Variants in MAGI1 observed in about 807,000 individuals in gnomAD.
MAGI1 encodes the protein membrane associated guanylate kinase, WW and PDZ domain containing 1, also known as membrane-associated guanylate kinase, WW and PDZ domain-containing protein 1.
MAGI1 carries 58 observed loss-of-function variants against 139.9 expected under a neutral mutation model. The observed-to-expected ratio is 0.41, with a 90% CI of 0.34 to 0.52. The LOEUF (loss-of-function observed/expected upper bound fraction) is 0.52. Among genes scored for constraint, MAGI1 ranks in the 20% least tolerant of loss-of-function variants. The pLI is 0.12. For missense variants in MAGI1, 1,874 were observed against 1,901.6 expected (o/e 0.99, Z 0.27); for synonymous variants, 812 against 737.9 (o/e 1.10, Z -1.63).
intron 2 of MAGI1, among the ~76,000 whole-genome samples, chr3:65,586,900 T>C (rs1268748209): frequency 6.6e-6 from 1 of 152,174 alleles, no homozygotes; most frequent in African/African-American, 2.4e-5. Context: ...AGGTTTCTCC[T>C]TAGCCTGTAA....
At chr3:65,666,699 T>C (rs1360838747) in intron 1 of MAGI1, among the ~76,000 whole-genome samples, 1 of 152,182 alleles carries the variant, frequency 6.6e-6, no homozygotes, top group African/African-American at 2.4e-5. Flanking sequence ...TTTATTATCC[T>C]GCTGGTGGAG....
rs11720673 is a variant in MAGI1, at chr3:65,374,138, A to C, written c.3196+1607T>G. ...CTAGATTTTTTCTTGAGAAATACTCACTTTTAGAATATATATTTTATAACA... is the reference window on the plus strand; with the variant it reads ...CTAGATTTTTTCTTGAGAAATACTCCCTTTTAGAATATATATTTTATAACA... On this transcript the variant is annotated intron_variant, in intron 18 of 22. Transcript: ENST00000402939. 1.4e-4 allele frequency among the ~76,000 whole-genome samples: 22 copies of C among 152,170 alleles called. No individual in the cohort carries two copies. The East Asian group carries it at 4.3e-3, about 29-fold the overall frequency.
intron 1 of MAGI1, among the ~76,000 whole-genome samples, chr3:66,019,686 T>C (rs2107544558): frequency 6.6e-6 from 1 of 152,284 alleles, no homozygotes; most frequent in East Asian, 1.9e-4. Flanking sequence ...GATCAATAAA[T>C]GGGAGCTGTA....
chr3:65,862,626 G>A (rs185811971), intron 1 of MAGI1, among the ~76,000 whole-genome samples: 1 of 152,136 alleles, frequency 6.6e-6, no homozygotes, highest in Admixed American at 6.5e-5. Context: ...CAAGTGACAT[G>A]AGACCATTTC....
At chr3:65,430,251 G>A (rs1947353739) in intron 11 of MAGI1, 111 bp from the exon 12 acceptor site, 1 of 1,081,282 alleles carries the variant, frequency 9.2e-7, no homozygotes, top group Non-Finnish European at 1.4e-6. Flanking sequence ...ATGTGGGTGT[G>A]ATACTATAGG....
chr3:65,673,437 A>G (rs2107474769), intron 1 of MAGI1, among the ~76,000 whole-genome samples: 1 of 152,342 alleles, frequency 6.6e-6, no homozygotes, highest in South Asian at 2.1e-4. Flanking sequence ...AACTTGTATG[A>G]CCAAATATTC....
intron 1 of MAGI1, among the ~76,000 whole-genome samples, chr3:66,026,953 T>C (rs560954777): frequency 3.9e-5 from 6 of 152,070 alleles, no homozygotes; most frequent in East Asian, 1.9e-4. Flanking sequence ...TTTTTTCTTT[T>C]TTTTTTCTTC....
chr3:65,792,399 A>G (rs534013385), intron 1 of MAGI1, among the ~76,000 whole-genome samples: 14 of 152,224 alleles, frequency 9.2e-5, no homozygotes, highest in Middle Eastern at 3.4e-3. Flanking sequence ...AAGGAGGAGG[A>G]GGTTGCAGTG....
chr3:65,452,874 C>G (rs1575801353), intron 6 of MAGI1: 1 of 173,358 alleles, frequency 5.8e-6, no homozygotes, highest in East Asian at 1.4e-4. Flanking sequence ...AACTTTTCCC[C>G]CTAAGACTTT....
At chr3:65,802,433 C>G (rs530904248) in intron 1 of MAGI1, among the ~76,000 whole-genome samples, 3 of 151,912 alleles carry the variant, frequency 2.0e-5, no homozygotes, top group African/African-American at 7.3e-5. Flanking sequence ...ATGAGTTACT[C>G]GTGTAATTAA....
intron 1 of MAGI1, among the ~76,000 whole-genome samples, chr3:65,875,776 T>C (rs1382947309): frequency 6.6e-6 from 1 of 152,230 alleles, no homozygotes; most frequent in Non-Finnish European, 1.5e-5. Flanking sequence ...TAATAACAGC[T>C]AGTACTGACT....
chr3:65,871,504 A>C (rs1365980923), intron 1 of MAGI1, among the ~76,000 whole-genome samples: 1 of 152,204 alleles, frequency 6.6e-6, no homozygotes, highest in Non-Finnish European at 1.5e-5. Context: ...GAGGAAAATA[A>C]CTGTGGAATT....
chr3:65,588,481 C>T (rs1295853006), intron 2 of MAGI1, among the ~76,000 whole-genome samples: 3 of 152,144 alleles, frequency 2.0e-5, no homozygotes, highest in East Asian at 3.8e-4. Flanking sequence ...AGTGACTATG[C>T]CCTTCAGTGT....
intron 1 of MAGI1, among the ~76,000 whole-genome samples, chr3:65,756,651 G>C (rs1234290118): frequency 6.6e-6 from 1 of 152,118 alleles, no homozygotes; most frequent in Non-Finnish European, 1.5e-5. Context: ...ACACTCTGAA[G>C]TGCATTATGG....
chr3:65,379,197 G>A (rs760189455), intron 17 of MAGI1, 64 bp downstream of exon 17: 12 of 1,602,690 alleles, frequency 7.5e-6, no homozygotes, highest in African/African-American at 5.4e-5. Context: ...GCTTTCACTC[G>A]CAAGAGAACA....
chr3:65,983,846 A>C (rs1001972663), intron 1 of MAGI1, among the ~76,000 whole-genome samples: 3 of 152,112 alleles, frequency 2.0e-5, no homozygotes, highest in African/African-American at 7.2e-5. Flanking sequence ...GATGGTACTC[A>C]CCCCATAAGG....
chr3:65,527,678 T>C (rs2078450801), intron 2 of MAGI1, among the ~76,000 whole-genome samples: 5 of 152,212 alleles, frequency 3.3e-5, no homozygotes, highest in African/African-American at 7.2e-5. Flanking sequence ...TGAGCCGAGA[T>C]TGGGCCACTG....
At chr3:65,493,728 G>C in intron 2 of MAGI1, 97 bp from the exon 3 acceptor site, 1 of 1,425,212 alleles carries the variant, frequency 7.0e-7, no homozygotes, top group Non-Finnish European at 9.6e-7. Flanking sequence ...TCAGTAAGAG[G>C]GCGTACCTAA....
chr3:65,925,169 A>T (rs1239137293), intron 1 of MAGI1: 2 of 152,204 alleles, frequency 1.3e-5, no homozygotes, highest in African/African-American at 4.8e-5. Flanking sequence ...TTAAGCCATG[A>T]GATGGCTGAG....
Sources: gnomAD v4.1 joint callset for allele counts (sites outside exome capture counted in the v4.1 genomes callset) on GRCh38, gnomAD v4.1.1 for gene constraint, MANE v1.5 for transcripts, NCBI Gene and HGNC (gene_info 2026-07-23, HGNC 2026-07-21) for gene names.